CNST: variants seen among roughly 807,000 people sequenced by gnomAD.
CNST encodes the protein consortin, connexin sorting protein, also known as consortin.
In CNST, 39 loss-of-function variants were observed where a neutral mutation model predicts 72.4. The observed-to-expected ratio is 0.54, with a 90% CI of 0.42 to 0.70. The LOEUF is 0.70. Ranked by LOEUF, CNST falls within the 30% of genes least tolerant of loss-of-function variation. The pLI is 0.00. For missense variants in CNST, 871 were observed against 868.5 expected (o/e 1.00, Z -0.04); for synonymous variants, 332 against 320.1 (o/e 1.04, Z -0.40).
At chr1:246,624,009 G>A (rs1053648198) in intron 3 of CNST, among the ~76,000 whole-genome samples, 1 of 152,166 alleles carries the variant, frequency 6.6e-6, no homozygotes, top group Non-Finnish European at 1.5e-5. Context: ...GCTGCAATGA[G>A]CCGTGATTCC....
intron 2 of CNST, chr1:246,605,925 T>TG (rs1662754572): frequency 6.6e-6 from 1 of 152,072 alleles, no homozygotes; most frequent in South Asian, 2.1e-4. Context: ...CCTTGCGCCT[T>TG]GGGACTGGGT....
chr1:246,582,847 C>T (rs1660887571), intron 1 of CNST, among the ~76,000 whole-genome samples: 1 of 152,214 alleles, frequency 6.6e-6, no homozygotes, highest in Admixed American at 6.5e-5. Context: ...TTACAATGTC[C>T]TCTTGTCCAG....
intron 1 of CNST, among the ~76,000 whole-genome samples, chr1:246,588,721 T>C (rs926003251): frequency 3.3e-5 from 5 of 152,206 alleles, no homozygotes; most frequent in Admixed American, 1.3e-4. Flanking sequence ...ATTAATAAAT[T>C]CTTTTATATT....
At position 246,634,015 on chromosome 1, in the gene CNST, G is replaced by C; in HGVS notation, c.703+5G>C. The C allele has an allele frequency of 6.3e-7, 1 of 1,581,212 alleles. No homozygotes were observed. Among genetic ancestry groups the C allele is most frequent in the Non-Finnish European group, 8.7e-7 (1 of 1,150,540 alleles). On this transcript the variant is annotated splice_donor_5th_base_variant and intron_variant, in intron 5 of 10. Transcript: ENST00000366513. ...CTGCCATTCAAGAACAGTGGGGTAAGTACAGACCAACATGGAATGTGGAAT... is the reference window on the plus strand; with the variant it reads ...CTGCCATTCAAGAACAGTGGGGTAACTACAGACCAACATGGAATGTGGAAT...
At chr1:246,641,717 T>A (rs1295385567) in intron 6 of CNST, 32 bp from the exon 7 acceptor site, 12 of 1,228,394 alleles carry the variant, frequency 9.8e-6, no homozygotes, top group Middle Eastern at 1.9e-4. Flanking sequence ...GTAATTTTTT[T>A]AAAATTCTTT....
chr1:246,630,801 A>G (rs1470261203), intron 3 of CNST, among the ~76,000 whole-genome samples: 9 of 151,992 alleles, frequency 5.9e-5, no homozygotes. Context: ...GCTGGAGTGC[A>G]ATGGCATGAT....
At chr1:246,630,691 G>A (rs1272983020) in intron 3 of CNST, among the ~76,000 whole-genome samples, 3 of 116,454 alleles carry the variant, frequency 2.6e-5, no homozygotes, top group Non-Finnish European at 5.0e-5. Context: ...GATGTATAAA[G>A]GTTATACCTT....
chr1:246,576,230 G>A (rs1345608885), intron 1 of CNST, among the ~76,000 whole-genome samples: 3 of 9,200 alleles, frequency 3.3e-4, no homozygotes, highest in African/African-American at 4.2e-4. Flanking sequence ...GCCAGACTCC[G>A]TCTCAAAAAA....
intron 4 of CNST, among the ~76,000 whole-genome samples, chr1:246,632,683 A>C (rs1353280001): frequency 6.6e-6 from 1 of 152,238 alleles, no homozygotes; most frequent in Admixed American, 6.5e-5. Flanking sequence ...TCCTGACCTC[A>C]CAAGATGCAG....
At chr1:246,625,180 A>G (rs1041413024) in intron 3 of CNST, among the ~76,000 whole-genome samples, 1 of 152,170 alleles carries the variant, frequency 6.6e-6, no homozygotes, top group African/African-American at 2.4e-5. Context: ...TCCCCCAAGT[A>G]GTTCCACAAA....
chr1:246,668,431 A>G lies in CNST; in HGVS notation c.*2526A>G, dbSNP rs1314203926. ...TGATTTCAGAAGTTGATCTGGCCCTACAAGTAGACAGTCATCTACTTTGGG... is the reference window on the plus strand; with the variant it reads ...TGATTTCAGAAGTTGATCTGGCCCTGCAAGTAGACAGTCATCTACTTTGGG... On this transcript the variant is annotated 3_prime_UTR_variant, in exon 11 of 11. Transcript: ENST00000366513. 6.6e-6 allele frequency: 1 copy of G among 152,232 alleles called. No homozygotes were observed. Among genetic ancestry groups the G allele is most frequent in the Admixed American group, 6.5e-5 (1 of 15,284 alleles). The allele number at this position is 152,232 out of a possible 1,614,324, so 9.4% of individuals were successfully genotyped here. A position where few individuals can be genotyped will look rare whatever the true frequency, so the allele number is the denominator to read the frequency against.
At position 246,647,603 on chromosome 1, in the gene CNST, T is replaced by C. The variant is rs1471926146; in HGVS notation, c.1402T>C (p.Ser468Pro). ...ACTCCGTTTGCCACTTCGGGATGCT[T>C]CTGAGGCGTTGCCCACAGACCAACT... Reference protein sequence around the residue: ...KELRLPLRDASEALPTDQLEN... With the variant: ...KELRLPLRDAPEALPTDQLEN... The change falls in exon 9 of 11, where the codon TCT becomes CCT. Residue 468 changes from serine to proline, a missense_variant. By Grantham distance (74) the Ser-to-Pro change is moderately conservative (BLOSUM62 -1). Coordinates refer to ENST00000366513, the MANE Select transcript of CNST (RefSeq NM_152609.3). The C allele has an allele frequency of 6.2e-7, 1 of 1,614,192 alleles. No homozygotes were observed. The highest frequency in any genetic ancestry group is 1.1e-5 in the South Asian group (1 of 91,082).
intron 6 of CNST, among the ~76,000 whole-genome samples, chr1:246,635,820 G>A (rs1450244519): frequency 2.0e-5 from 3 of 152,154 alleles, no homozygotes; most frequent in African/African-American, 7.2e-5. Flanking sequence ...GATCCATTGC[G>A]GAGGCCACTC....
intron 5 of CNST, 188 bp downstream of exon 5, chr1:246,634,198 A>G (rs545495536): frequency 2.5e-5 from 14 of 564,460 alleles, no homozygotes; most frequent in Non-Finnish European, 4.4e-5. Context: ...TTTTCTTTGT[A>G]TTTTGCTCTT....
Position 246,641,992 on chromosome 1 carries a change from G to C in CNST, c.892G>C (p.Val298Leu). 6.2e-7 allele frequency: 1 copy of C among 1,612,956 alleles called. No individual in the cohort carries two copies. The highest frequency in any genetic ancestry group is 1.1e-5 in the South Asian group (1 of 90,918). ...QERKCSTQLL[V>L]SEDPKEGGAT... ...AAGGAAATGCTCCACGCAGTTACTA[G>C]TGTCTGAAGATCCAAAGGAAGGAGG... The change falls in exon 8 of 11, where the codon GTG becomes CTG. Residue 298 changes from valine (V) to leucine (L), a missense_variant. Val to Leu is a conservative substitution (Grantham distance 32). Transcript: ENST00000366513.
rs1466387997 is a variant in CNST, at chr1:246,632,067, A to G, written c.616+143A>G. 13 of 545,548 alleles carry G rather than the reference A, an allele frequency of 2.4e-5. No homozygotes were observed. In the Admixed American group the frequency reaches 4.5e-4, roughly 19 times the overall value. The allele number at this position is 545,548 out of a possible 1,614,324, so 33.8% of individuals were successfully genotyped here. ...TTTTGACAGTTGTATGTACCCGTGTAACCACCTCAGAAAGCAAAATGTAGG... is the reference window on the plus strand; with the variant it reads ...TTTTGACAGTTGTATGTACCCGTGTGACCACCTCAGAAAGCAAAATGTAGG... On this transcript the variant is annotated intron_variant, in intron 4 of 10. Transcript: ENST00000366513.
intron 1 of CNST, among the ~76,000 whole-genome samples, chr1:246,589,053 T>C (rs1028457700): frequency 1.3e-5 from 2 of 152,160 alleles, no homozygotes; most frequent in Admixed American, 6.5e-5. Context: ...AGGTATAGAA[T>C]AGAGCTCACA....
chr1:246,634,397 G>C (rs1664994461), intron 5 of CNST, 76 bp from the exon 6 acceptor site: 2 of 789,394 alleles, frequency 2.5e-6, no homozygotes, highest in South Asian at 1.8e-5. Context: ...AGTGGTGCTA[G>C]TTAACTGTTT....
At chr1:246,571,388 GAT>G (rs1660058705) in intron 1 of CNST, among the ~76,000 whole-genome samples, 1 of 152,168 alleles carries the variant, frequency 6.6e-6, no homozygotes, top group African/African-American at 2.4e-5. Context: ...GACCTCAAGT[GAT>G]CCGCCCACCT....
Sources: allele counts gnomAD v4.1 joint callset (sites outside exome capture counted in the v4.1 genomes callset), GRCh38; gene constraint gnomAD v4.1.1; transcripts MANE v1.5; gene names NCBI Gene and HGNC (gene_info 2026-07-23, HGNC 2026-07-21).